Variants in ABR observed in about 807,000 individuals in gnomAD.
ABR encodes ABR activator of RhoGEF and GTPase.
In ABR, 35 loss-of-function variants were observed where a neutral mutation model predicts 107.2. The ratio of observed to expected loss-of-function variants is 0.33; its 90% CI spans 0.25 to 0.43. ABR has a LOEUF of 0.43. Ranked by LOEUF, ABR falls within the 20% of genes least tolerant of loss-of-function variation. ABR has a pLI of 1.00. For synonymous variants in ABR, 498 were observed against 462.0 expected, an observed-to-expected ratio of 1.08 and a Z score of -1.00; for missense variants, 815 against 1,115.2, an observed-to-expected ratio of 0.73 and a Z score of 3.83.
chr17:1,058,844 C>T lies in ABR; in HGVS notation c.1206G>A (p.Arg402=). The change falls in exon 11 of 23, where the codon CGG becomes CGA. Residue 402 remains arginine, a synonymous_variant. Transcript: ENST00000302538. ...TCTTCTTCTTCAGGCGCTCGATGGC[C>T]CGGCTCTGGCCTTTGTTGGCTTTCT... ...QKEKANKGQS[R]AIERLKKKMF... 6.2e-7 allele frequency: 1 copy of T among 1,614,164 alleles called. No homozygotes were observed. The highest frequency in any genetic ancestry group is 1.7e-5 in the Admixed American group (1 of 60,008).
chr17:1,032,338 T>A (rs1290805850), intron 16 of ABR, among the ~76,000 whole-genome samples: 3 of 152,084 alleles, frequency 2.0e-5, no homozygotes, highest in African/African-American at 7.2e-5. Context: ...CTCAGAAGCC[T>A]CCTCAGGTGA....
At chr17:1,187,490 C>T (rs2042332297), upstream of ABR, among the ~76,000 whole-genome samples, 1 of 152,250 alleles carries the variant, frequency 6.6e-6, no homozygotes, top group South Asian at 2.1e-4. Flanking sequence ...GTTGGGAACA[C>T]AGCTGGGGGA....
chr17:1,160,162 A>T (rs575447324), intron 1 of ABR, among the ~76,000 whole-genome samples: 1 of 152,118 alleles, frequency 6.6e-6, no homozygotes, highest in African/African-American at 2.4e-5. Context: ...TACAAGGTTC[A>T]AGAATTGCTT....
chr17:1,019,443 G>A (rs543276551), intron 16 of ABR, among the ~76,000 whole-genome samples: 2 of 151,776 alleles, frequency 1.3e-5, no homozygotes, highest in African/African-American at 4.8e-5. Flanking sequence ...CATCTTCCTG[G>A]TGCCTGCTGC....
chr17:1,067,162 C>A lies in ABR; in HGVS notation c.1097G>T (p.Ser366Ile). 1 of 1,613,794 alleles carries A rather than the reference C, an allele frequency of 6.2e-7. No homozygotes were observed. Among genetic ancestry groups the A allele is most frequent in the Non-Finnish European group, 8.5e-7 (1 of 1,179,910 alleles). ...GTCTGGGAAGGGGTGCACCTGGGGGCTGGCCTCAGACTCCTCGGGGGATGG... is the reference window on the plus strand; with the variant it reads ...GTCTGGGAAGGGGTGCACCTGGGGGATGGCCTCAGACTCCTCGGGGGATGG... ...VFPSPEESEA[S>I]PQVHPFPDHE... Residue 366 changes from serine (S) to isoleucine (I), a missense_variant, in exon 10 of 23, where the codon AGC (serine) becomes ATC (isoleucine). This residue lies in a region of ABR where 385 missense variants were observed against 596.9 expected (regional missense o/e 0.64). Coordinates refer to ENST00000302538, the MANE Select transcript of ABR (RefSeq NM_021962.5).
chr17:1,073,539 C>T (rs1049994390), intron 7 of ABR, 86 bp downstream of exon 7: 10 of 1,128,522 alleles, frequency 8.9e-6, no homozygotes, highest in African/African-American at 3.2e-5. Context: ...GGACTGTTCT[C>T]GGTGACTCCA....
At chr17:1,204,617 TG>T (rs2042751868) in intron 1 of ABR, among the ~76,000 whole-genome samples, 1 of 152,244 alleles carries the variant, frequency 6.6e-6, no homozygotes, top group Non-Finnish European at 1.5e-5. Context: ...TTTTCCATTG[TG>T]TTACAACGGC....
intron 2 of ABR, among the ~76,000 whole-genome samples, chr17:1,112,932 C>T (rs943104962): frequency 1.3e-5 from 2 of 151,576 alleles, no homozygotes; most frequent in Non-Finnish European, 2.9e-5. Flanking sequence ...TAACGCCTGA[C>T]CCAATCAGCA....
chr17:1,058,058 G>A lies in ABR; in HGVS notation c.1306-13C>T. 9 of 1,583,764 alleles carry A rather than the reference G, an allele frequency of 5.7e-6. No homozygotes were observed. The highest frequency in any genetic ancestry group is 3.3e-5 in the South Asian group (3 of 90,696). On this transcript the variant is annotated splice_polypyrimidine_tract_variant and intron_variant, in intron 11 of 22. Coordinates refer to ENST00000302538, the MANE Select transcript of ABR (RefSeq NM_021962.5). The stretch of plus-strand genomic sequence containing the variant: ...GGAACAGGTAACTCTGAAGAGAGGA[G>A]ATAAGCATAAAGTGGGTGACCACAG...
At chr17:1,089,086 T>C (rs1040692189) in intron 4 of ABR, among the ~76,000 whole-genome samples, 1 of 151,426 alleles carries the variant, frequency 6.6e-6, no homozygotes, top group African/African-American at 2.4e-5. Context: ...TTAGTAGAGA[T>C]GGGGTTCCAC....
At position 1,050,249 on chromosome 17, in the gene ABR, G is replaced by C. The variant is rs570118145; in HGVS notation, c.1660-68C>G. The C allele has an allele frequency of 5.8e-6, 9 of 1,552,698 alleles. No individual in the cohort carries two copies. The East Asian group carries it at 1.8e-4, about 31-fold the overall frequency. On this transcript the variant is annotated intron_variant, in intron 15 of 22. Transcript: ENST00000302538. The surrounding 1 kb of genome is among the most constrained non-coding windows in gnomAD (Gnocchi z 4.6). ...GGAGGCCTGGCTTTCCGGCAGGTGCGTGCCTCAGCTTTGCAAGGAGGAGGG... is the reference window on the plus strand; with the variant it reads ...GGAGGCCTGGCTTTCCGGCAGGTGCCTGCCTCAGCTTTGCAAGGAGGAGGG...
intron 2 of ABR, among the ~76,000 whole-genome samples, chr17:1,121,845 G>A (rs2039369711): frequency 6.6e-6 from 1 of 152,188 alleles, no homozygotes; most frequent in South Asian, 2.1e-4. Flanking sequence ...TAGAGACAAG[G>A]AGACTGAGGC....
At chr17:1,101,061 T>G (rs2037831320) in intron 2 of ABR, 1 of 318,074 alleles carries the variant, frequency 3.1e-6, no homozygotes, top group Admixed American at 4.1e-5. Flanking sequence ...TGACCTCAGG[T>G]GATCCACCCA....
At chr17:1,160,543 A>G (rs1258286719) in intron 1 of ABR, among the ~76,000 whole-genome samples, 2 of 152,214 alleles carry the variant, frequency 1.3e-5, no homozygotes, top group Non-Finnish European at 2.9e-5. Flanking sequence ...TCATTCATTC[A>G]TTCACTCACC....
At chr17:1,170,401 C>G (rs755344397) in intron 1 of ABR, among the ~76,000 whole-genome samples, 1 of 152,150 alleles carries the variant, frequency 6.6e-6, no homozygotes, top group Non-Finnish European at 1.5e-5. Context: ...GGCTTGTAGT[C>G]TGCGACCTTG....
At chr17:1,086,194 G>A (rs903966934) in intron 4 of ABR, among the ~76,000 whole-genome samples, 1 of 152,136 alleles carries the variant, frequency 6.6e-6, no homozygotes, top group Non-Finnish European at 1.5e-5. Context: ...AATGATGTAC[G>A]TGGCTCATAA....
rs5818787 is a variant in ABR, at chr17:1,199,054, GA to G, written c.838+29738del. 7.4e-4 allele frequency among the ~76,000 whole-genome samples: 96 copies of G among 129,840 alleles called. 1 individual carries two copies. Among genetic ancestry groups the G allele is most frequent in the African/African-American group, 1.9e-3 (63 of 33,742 alleles). The allele number at this position is 129,840 out of a possible 152,430, so 85.2% of individuals were successfully genotyped here. On this transcript the variant is annotated intron_variant, in intron 1 of 22. Transcript: ENST00000574139. ...GGGCAACAGAGCGGGACTCTGACTCGAAAAAAAAAAAAAGAGGTGCCTGGTT... is the reference window on the plus strand; with the variant it reads ...GGGCAACAGAGCGGGACTCTGACTCGAAAAAAAAAAAAGAGGTGCCTGGTT...
At chr17:1,211,287 GAATAAATAAATAAATA>G (rs149944140) in intron 1 of ABR, among the ~76,000 whole-genome samples, 145,380 of 151,704 alleles carry the variant, frequency 0.96, 69,956 homozygotes, top group East Asian at 1. Context: ...TCAAAAAAAT[GAATAAATAAATAAATA>G]AATAAATAAA....
Position 1,070,029 on chromosome 17 carries a change from C to A in ABR, c.956G>T (p.Arg319Leu). The change falls in exon 9 of 23, where the codon CGG becomes CTG. Residue 319 changes from arginine (R) to leucine (L), a missense_variant. Arg to Leu is a moderately radical substitution (Grantham distance 102). Around this residue, in one of 5 missense-constraint regions of ABR, gnomAD observed 385 missense variants for 596.9 expected, o/e 0.64. Transcript: ENST00000302538. This position sits in a 1 kb window ranked among gnomAD's most constrained non-coding sequence, Gnocchi z 4.2. ...VEVSESSRKL[R>L]HVFLFTDVLL... ...GACATCTGTAAAGAGGAAGACGTGCCGCAGCTTCCGGGAGCTCTCTGACAC... is the reference window on the plus strand; with the variant it reads ...GACATCTGTAAAGAGGAAGACGTGCAGCAGCTTCCGGGAGCTCTCTGACAC... The A allele has an allele frequency of 6.2e-7, 1 of 1,613,598 alleles. No homozygotes were observed.
Sources: allele counts gnomAD v4.1 joint callset (sites outside exome capture counted in the v4.1 genomes callset), GRCh38; gene constraint gnomAD v4.1.1; regional missense constraint gnomAD v4.1.1; non-coding constraint Gnocchi (gnomAD v3.1); transcripts MANE v1.5; gene names NCBI Gene and HGNC (gene_info 2026-07-23, HGNC 2026-07-21).